The following NRXN1 variants were observed in gnomAD, a reference collection of about 807,000 sequenced individuals.
NRXN1 encodes the protein neurexin 1, also known as neurexin-1.
In NRXN1, 39 loss-of-function variants were observed where a neutral mutation model predicts 150.9. The ratio of observed to expected loss-of-function variants is 0.26; its 90% CI spans 0.20 to 0.34. NRXN1 has a LOEUF of 0.34. Ranked by LOEUF, NRXN1 falls within the 10% of genes least tolerant of loss-of-function variation. NRXN1 has a pLI of 1.00. For synonymous variants in NRXN1, 924 were observed against 757.0 expected, an observed-to-expected ratio of 1.22 and a Z score of -3.62; for missense variants, 1,815 against 1,949.9, an observed-to-expected ratio of 0.93 and a Z score of 1.30.
At chr2:50,953,186 T>C (rs73930235) in intron 2 of NRXN1, among the ~76,000 whole-genome samples, 1,627 of 152,304 alleles carry the variant, frequency 0.011, 36 homozygotes, top group African/African-American at 0.037. Flanking sequence ...AGCACATCCA[T>C]TGAACAAAGT....
At chr2:50,975,851 C>A (rs1695737078) in intron 2 of NRXN1, among the ~76,000 whole-genome samples, 1 of 152,046 alleles carries the variant, frequency 6.6e-6, no homozygotes, top group African/African-American at 2.4e-5. Flanking sequence ...AACCCAAGAG[C>A]AGTCGAGGGA....
chr2:50,845,193 A>T (rs955508773), intron 5 of NRXN1, among the ~76,000 whole-genome samples: 1 of 152,132 alleles, frequency 6.6e-6, no homozygotes, highest in Non-Finnish European at 1.5e-5. Flanking sequence ...AGTAAGGGAG[A>T]GTTCTCTATT....
intron 17 of NRXN1, among the ~76,000 whole-genome samples, chr2:50,292,814 A>T (rs2073094594): frequency 6.6e-6 from 1 of 152,176 alleles, no homozygotes. Flanking sequence ...TCTTTTAAAC[A>T]ATCTCAATAA....
intron 5 of NRXN1, among the ~76,000 whole-genome samples, chr2:50,769,747 T>C (rs1424380172): frequency 6.6e-6 from 1 of 152,048 alleles, no homozygotes; most frequent in Non-Finnish European, 1.5e-5. Context: ...CCTTCAAAAA[T>C]TATTGCCATG....
At chr2:50,636,004 A>G (rs1465134806) in intron 5 of NRXN1, among the ~76,000 whole-genome samples, 1 of 152,224 alleles carries the variant, frequency 6.6e-6, no homozygotes, top group Non-Finnish European at 1.5e-5. Flanking sequence ...AGTAACCACT[A>G]CATTTAAAAT....
At chr2:50,330,208 C>T (rs1178895170) in intron 17 of NRXN1, among the ~76,000 whole-genome samples, 1 of 151,848 alleles carries the variant, frequency 6.6e-6, no homozygotes, top group Non-Finnish European at 1.5e-5. Flanking sequence ...TAAAGGCAAA[C>T]TACTAAAAGG....
chr2:49,933,221 G>A (rs1670442438), intron 22 of NRXN1, among the ~76,000 whole-genome samples: 1 of 152,018 alleles, frequency 6.6e-6, no homozygotes, highest in South Asian at 2.1e-4. Flanking sequence ...CAAGTAGCTG[G>A]GACTACACGC....
intron 17 of NRXN1, among the ~76,000 whole-genome samples, chr2:50,369,460 A>G (rs2079846485): frequency 6.6e-6 from 1 of 151,992 alleles, no homozygotes; most frequent in Admixed American, 6.6e-5. Context: ...GATTGATCTT[A>G]CAGGAAGTTA....
At chr2:50,680,455 A>G (rs1690211864) in intron 5 of NRXN1, among the ~76,000 whole-genome samples, 1 of 152,180 alleles carries the variant, frequency 6.6e-6, no homozygotes, top group Non-Finnish European at 1.5e-5. Flanking sequence ...AAGTCAAGAA[A>G]ATGGACTATA....
At chr2:50,065,939 C>T (rs773354938) in intron 19 of NRXN1, among the ~76,000 whole-genome samples, 26 of 152,148 alleles carry the variant, frequency 1.7e-4, no homozygotes, top group Non-Finnish European at 3.4e-4. Context: ...TTTGCTTGGA[C>T]GTCACATTTC....
chr2:50,857,147 T>A (rs1369720288), intron 5 of NRXN1, among the ~76,000 whole-genome samples: 1 of 152,094 alleles, frequency 6.6e-6, no homozygotes, highest in Non-Finnish European at 1.5e-5. Context: ...CTAAGATGCT[T>A]TGTTGAGAGA....
chr2:50,752,380 A>C (rs966949875), intron 5 of NRXN1, among the ~76,000 whole-genome samples: 2 of 151,968 alleles, frequency 1.3e-5, no homozygotes, highest in African/African-American at 4.8e-5. Context: ...ACATATAAAC[A>C]TGTGCTCATT....
At chr2:50,374,479 C>A (rs925174566) in intron 17 of NRXN1, among the ~76,000 whole-genome samples, 1 of 151,992 alleles carries the variant, frequency 6.6e-6, no homozygotes, top group Non-Finnish European at 1.5e-5. Context: ...TAAATAAACT[C>A]ATAGACATAA....
At chr2:50,495,758 G>C (rs892475289) in intron 15 of NRXN1, 147 bp downstream of exon 15, 1 of 560,290 alleles carries the variant, frequency 1.8e-6, no homozygotes, top group Non-Finnish European at 2.9e-6. Context: ...GCAGAGGCTT[G>C]TGTGTTGTAT....
At chr2:50,495,342 T>C (rs1160249528) in intron 15 of NRXN1, among the ~76,000 whole-genome samples, 1 of 98,110 alleles carries the variant, frequency 1.0e-5, no homozygotes, top group African/African-American at 4.4e-5. Context: ...GAAAGAAGCA[T>C]TCCGTGTGTG....
chr2:50,066,974 A>C (rs1695462317), intron 19 of NRXN1, among the ~76,000 whole-genome samples: 1 of 152,218 alleles, frequency 6.6e-6, no homozygotes, highest in Non-Finnish European at 1.5e-5. Context: ...GGGGTGGTGC[A>C]ACTCAAGAGT....
intron 12 of NRXN1, among the ~76,000 whole-genome samples, chr2:50,511,436 G>T (rs1345796932): frequency 1.3e-5 from 2 of 152,154 alleles, no homozygotes; most frequent in Non-Finnish European, 2.9e-5. Flanking sequence ...ACCAAAATCT[G>T]AGTCTGAGTT....
At chr2:50,241,547 C>T (rs2066000940) in intron 17 of NRXN1, among the ~76,000 whole-genome samples, 1 of 151,780 alleles carries the variant, frequency 6.6e-6, no homozygotes, top group African/African-American at 2.4e-5. Flanking sequence ...TGGTTTTCAG[C>T]AATCTCCACA....
At chr2:50,401,835 T>A (rs1446460017) in intron 17 of NRXN1, among the ~76,000 whole-genome samples, 1 of 152,150 alleles carries the variant, frequency 6.6e-6, no homozygotes, top group East Asian at 1.9e-4. Context: ...TTTCTGGTAT[T>A]TCAATATCTT....
Sources: allele counts gnomAD v4.1 joint callset (sites outside exome capture counted in the v4.1 genomes callset), GRCh38; gene constraint gnomAD v4.1.1; transcripts MANE v1.5; gene names NCBI Gene and HGNC (gene_info 2026-07-23, HGNC 2026-07-21).